CFAP90: variants seen among roughly 807,000 people sequenced by gnomAD.
CFAP90 encodes cilia- and flagella-associated protein 90.
chr5:7,831,568 C>T, the CFAP90 span: 9 of 304,912 alleles, frequency 3.0e-5, 1 homozygote, highest in South Asian at 4.6e-4. Flanking sequence ...CACAATGAAT[C>T]GGTCTCCAGA....
chr5:7,834,690 A>T, the CFAP90 span, among the ~76,000 whole-genome samples: 1 of 152,078 alleles, frequency 6.6e-6, no homozygotes, highest in East Asian at 1.9e-4. Context: ...TTTTTACTGT[A>T]CCTTTTTATG....
At chr5:7,844,719 G>A in the CFAP90 span, among the ~76,000 whole-genome samples, 1 of 152,142 alleles carries the variant, frequency 6.6e-6, no homozygotes, top group Non-Finnish European at 1.5e-5. Context: ...GGATAATGGG[G>A]AGTTGCCTAG....
At chr5:7,832,029 C>G in the CFAP90 span, 1 of 1,603,148 alleles carries the variant, frequency 6.2e-7, no homozygotes, top group Non-Finnish European at 8.5e-7. Flanking sequence ...CTCTCCTGTT[C>G]CTGGTGAAAG....
chr5:7,842,792 G>GA, the CFAP90 span, among the ~76,000 whole-genome samples: 35 of 152,212 alleles, frequency 2.3e-4, no homozygotes, highest in African/African-American at 7.9e-4. Context: ...TTTCTGGAGA[G>GA]AAAAAAATCT....
chr5:7,849,358 T>A, the CFAP90 span, among the ~76,000 whole-genome samples: 1 of 152,040 alleles, frequency 6.6e-6, no homozygotes, highest in Non-Finnish European at 1.5e-5. Context: ...AAGGATGCAT[T>A]TTCTGGGAAC....
At chr5:7,848,227 C>T in the CFAP90 span, among the ~76,000 whole-genome samples, 1 of 152,142 alleles carries the variant, frequency 6.6e-6, no homozygotes, top group Non-Finnish European at 1.5e-5. Flanking sequence ...GGGAACTTAC[C>T]ATTCCCTCGT....
chr5:7,850,902 C>G, the CFAP90 span: 1 of 1,358,028 alleles, frequency 7.4e-7, no homozygotes, highest in African/African-American at 1.5e-5. Context: ...AGTAGCTGTG[C>G]TCTTTGGGGT....
At chr5:7,845,613 T>A in the CFAP90 span, among the ~76,000 whole-genome samples, 1 of 152,236 alleles carries the variant, frequency 6.6e-6, no homozygotes, top group Admixed American at 6.5e-5. Flanking sequence ...GCATTGTCCT[T>A]TGACTGCTTT....
the CFAP90 span, among the ~76,000 whole-genome samples, chr5:7,845,406 C>A: frequency 6.6e-6 from 1 of 152,172 alleles, no homozygotes; most frequent in Non-Finnish European, 1.5e-5. Context: ...CAGCTTCTGT[C>A]CCCAACATAC....
the CFAP90 span, chr5:7,832,178 G>T: frequency 8.5e-4 from 607 of 711,556 alleles, 2 homozygotes; most frequent in African/African-American, 9.8e-3. Context: ...TGAAGCCAGG[G>T]GCTTCACAGG....
At chr5:7,831,542 A>G in the CFAP90 span, 1 of 233,334 alleles carries the variant, frequency 4.3e-6, no homozygotes, top group Non-Finnish European at 8.4e-6. Flanking sequence ...CAAAGTTTTC[A>G]TTTTATTCAG....
chr5:7,833,239 G>C, the CFAP90 span, among the ~76,000 whole-genome samples: 1 of 152,136 alleles, frequency 6.6e-6, no homozygotes, highest in Admixed American at 6.5e-5. Context: ...AAATTACATA[G>C]AGCAGCTGAG....
chr5:7,846,946 C>T, the CFAP90 span, among the ~76,000 whole-genome samples: 3 of 152,102 alleles, frequency 2.0e-5, no homozygotes, highest in South Asian at 2.1e-4. Context: ...GGTTTCACCA[C>T]GTTGGCTGGG....
chr5:7,834,019 T>A, the CFAP90 span, among the ~76,000 whole-genome samples: 2 of 152,208 alleles, frequency 1.3e-5, no homozygotes, highest in Admixed American at 6.5e-5. Context: ...GGTTTATGTA[T>A]TTATTATATT....
At chr5:7,842,196 G>C in the CFAP90 span, among the ~76,000 whole-genome samples, 9 of 148,836 alleles carry the variant, frequency 6.0e-5, no homozygotes, top group Non-Finnish European at 1.2e-4. Context: ...CAAATAACTG[G>C]GGTAAGTTTT....
the CFAP90 span, chr5:7,830,741 C>A: frequency 6.6e-6 from 1 of 152,110 alleles, no homozygotes; most frequent in Non-Finnish European, 1.5e-5. Context: ...TTAATTAGGC[C>A]ACCTGCCCAT....
the CFAP90 span, among the ~76,000 whole-genome samples, chr5:7,839,819 A>G: frequency 6.6e-6 from 1 of 152,184 alleles, no homozygotes; most frequent in African/African-American, 2.4e-5. Flanking sequence ...TTCCAGAGTA[A>G]AAGTGAATTT....
the CFAP90 span, among the ~76,000 whole-genome samples, chr5:7,849,562 A>C: frequency 6.6e-6 from 1 of 152,282 alleles, no homozygotes; most frequent in Non-Finnish European, 1.5e-5. Flanking sequence ...TGAGCAAGAC[A>C]AACCGGGGAC....
chr5:7,841,668 C>G, the CFAP90 span, among the ~76,000 whole-genome samples: 1 of 152,128 alleles, frequency 6.6e-6, no homozygotes, highest in South Asian at 2.1e-4. Flanking sequence ...AGATCACATC[C>G]TTTTCAGGGA....
Sources: gnomAD v4.1 joint callset for allele counts (sites outside exome capture counted in the v4.1 genomes callset) on GRCh38, gnomAD v4.1.1 for gene constraint, MANE v1.5 for transcripts, NCBI Gene and HGNC (gene_info 2026-07-23, HGNC 2026-07-21) for gene names.